Variants in SOS2 observed in about 807,000 individuals in gnomAD.
SOS2 encodes SOS Ras/Rho guanine nucleotide exchange factor 2, also known as son of sevenless homolog 2.
In SOS2, 65 loss-of-function variants were observed where a neutral mutation model predicts 148.2. The observed-to-expected ratio is 0.44, with a 90% CI of 0.36 to 0.54. The LOEUF (loss-of-function observed/expected upper bound fraction) is 0.54, where lower values mean the gene tolerates loss of function less well. SOS2 is among the 20% of genes least tolerant of loss of function. SOS2 has a pLI of 0.00. For missense variants in SOS2, 1,341 were observed against 1,590.2 expected (o/e 0.84, Z 2.67); for synonymous variants, 539 against 537.1 (o/e 1.00, Z -0.05).
At chr14:50,193,640 C>T (rs1189271698) in intron 4 of SOS2, among the ~76,000 whole-genome samples, 1 of 152,102 alleles carries the variant, frequency 6.6e-6, no homozygotes, top group East Asian at 1.9e-4. Context: ...GGTCTGTGAG[C>T]TCTTGAACTA....
chr14:50,230,370 TCA>T lies in SOS2; in HGVS notation c.87+825_87+826del, dbSNP rs145708974. 1.6e-3 allele frequency among the ~76,000 whole-genome samples: 248 copies of T among 152,316 alleles called. 7 individuals are homozygous for T. The East Asian group carries it at 0.043, about 26-fold the overall frequency. On this transcript the variant is annotated intron_variant, in intron 1 of 22. Transcript: ENST00000216373. ...GCATGACAGCTGATCACGCACCTAT[TCA>T]CAGTCTTTAAATGTCTTGATCTTAC...
chr14:50,193,318 A>G (rs897150230), intron 4 of SOS2, among the ~76,000 whole-genome samples: 11 of 152,078 alleles, frequency 7.2e-5, no homozygotes, highest in African/African-American at 2.7e-4. Context: ...CTGGGATTAC[A>G]AGCGTGAACC....
intron 16 of SOS2, among the ~76,000 whole-genome samples, chr14:50,142,105 T>C (rs1234298411): frequency 6.6e-6 from 1 of 151,874 alleles, no homozygotes; most frequent in East Asian, 1.9e-4. Context: ...CCTCCCGGGT[T>C]CAAGTGATTC....
At chr14:50,134,090 G>T in intron 19 of SOS2, 33 bp downstream of exon 19, 1 of 1,010,300 alleles carries the variant, frequency 9.9e-7, no homozygotes, top group South Asian at 1.3e-5. Flanking sequence ...TTAAAAAACA[G>T]AACACTTGTT....
intron 5 of SOS2, among the ~76,000 whole-genome samples, chr14:50,187,095 T>C (rs1595005574): frequency 6.6e-6 from 1 of 152,158 alleles, no homozygotes; most frequent in African/African-American, 2.4e-5. Flanking sequence ...CACTATAGTC[T>C]CAAATTCCTG....
At chr14:50,175,828 T>C (rs1410827019) in intron 7 of SOS2, among the ~76,000 whole-genome samples, 1 of 152,166 alleles carries the variant, frequency 6.6e-6, no homozygotes, top group Non-Finnish European at 1.5e-5. Flanking sequence ...TATGCTGCTT[T>C]AAAAAAATCT....
rs764908956 is a variant in SOS2 at position 50,130,687 on chromosome 14, T to C, written c.3151A>G (p.Thr1051Ala). 40 of 1,614,090 alleles carry C rather than the reference T, an allele frequency of 2.5e-5. No individual in the cohort carries two copies. In the East Asian group the frequency reaches 7.8e-4, roughly 31 times the overall value. The stretch of plus-strand genomic sequence containing the variant: ...AATGGTGTTGGGTGACCTCGTAAAG[T>C]ACCTGAGGTAGAGCCATGTCGGCCT... The part of the protein sequence containing the change: ...NTGRHGSTSG[T>A]LRGHPTPLER... Residue 1051 changes from threonine to alanine, a missense_variant, in exon 20 of 23, where the codon ACT becomes GCT. Physicochemically the swap from Thr to Ala is moderately conservative, Grantham distance 58 (BLOSUM62 0). Transcript: ENST00000216373.
chr14:50,131,129 A>G (rs1482547362), intron 19 of SOS2, among the ~76,000 whole-genome samples: 1 of 152,130 alleles, frequency 6.6e-6, no homozygotes, highest in Non-Finnish European at 1.5e-5. Context: ...ATATTATGCT[A>G]TATGCTTCAG....
rs768766517 is a variant in SOS2, at chr14:50,172,419, C to CTTTTTTTTTTTTTTTTTTTTTTT, written c.1068+2034_1068+2035insAAAAAAAAAAAAAAAAAAAAAAA. On this transcript the variant is annotated intron_variant, in intron 8 of 22. Transcript: ENST00000216373. The stretch of plus-strand genomic sequence containing the variant: ...ATGGGTAGTTTCTCTTTATTCATTC[C>CTTTTTTTTTTTTTTTTTTTTTTT]TTTTTTTTTTTTTTCTGAGATGGAG... 2.7e-4 allele frequency among the ~76,000 whole-genome samples: 22 copies of CTTTTTTTTTTTTTTTTTTTTTTT among 82,766 alleles called. 3 individuals carry two copies. The highest frequency in any genetic ancestry group is 4.0e-4 in the African/African-American group (8 of 19,852). The allele number at this position is 82,766 out of a possible 152,430, so 54.3% of individuals were successfully genotyped here.
intron 18 of SOS2, 59 bp from the exon 19 acceptor site, chr14:50,134,298 T>C: frequency 1.2e-6 from 1 of 801,308 alleles, no homozygotes; most frequent in Non-Finnish European, 2.0e-6. Flanking sequence ...TAGATCTTAT[T>C]AAAATAAGAT....
chr14:50,145,844 A>G (rs1413029290), intron 14 of SOS2, among the ~76,000 whole-genome samples: 1 of 152,154 alleles, frequency 6.6e-6, no homozygotes, highest in East Asian at 1.9e-4. Flanking sequence ...CAAAAGTCTG[A>G]TAACTCAAGG....
intron 18 of SOS2, among the ~76,000 whole-genome samples, chr14:50,135,048 G>A (rs1167997917): frequency 4.3e-5 from 6 of 139,080 alleles, no homozygotes; most frequent in Admixed American, 3.1e-4. Context: ...ACTCCAGCCT[G>A]GGCAACAAGA....
intron 7 of SOS2, among the ~76,000 whole-genome samples, chr14:50,176,494 C>T (rs1655018512): frequency 6.6e-6 from 1 of 152,166 alleles, no homozygotes; most frequent in Admixed American, 6.5e-5. Context: ...AAAGTGCATT[C>T]TAAAATTTTT....
chr14:50,188,994 G>A (rs546935571), intron 4 of SOS2, among the ~76,000 whole-genome samples: 52 of 151,036 alleles, frequency 3.4e-4, no homozygotes, highest in African/African-American at 1.2e-3. Context: ...AGCCTGGGAG[G>A]TCAAGGCTGC....
chr14:50,119,070 CTCTT>C (rs1883411886), intron 22 of SOS2, among the ~76,000 whole-genome samples: 1 of 152,044 alleles, frequency 6.6e-6, no homozygotes, highest in Non-Finnish European at 1.5e-5. Context: ...TAGGTCCTAA[CTCTT>C]TATCTTGCTT....
At chr14:50,225,844 G>A (rs1887355213) in intron 1 of SOS2, among the ~76,000 whole-genome samples, 1 of 152,132 alleles carries the variant, frequency 6.6e-6, no homozygotes, top group African/African-American at 2.4e-5. Context: ...CCTATTCTCA[G>A]GCAGAGACCT....
intron 1 of SOS2, among the ~76,000 whole-genome samples, chr14:50,211,685 T>A (rs941574524): frequency 6.6e-6 from 1 of 152,072 alleles, no homozygotes; most frequent in Non-Finnish European, 1.5e-5. Flanking sequence ...CTTGAACTCC[T>A]GGGCTCAAGC....
chr14:50,201,237 T>TA (rs1421510068), intron 2 of SOS2, among the ~76,000 whole-genome samples, 153 bp from the exon 3 acceptor site: 5 of 151,558 alleles, frequency 3.3e-5, no homozygotes, highest in East Asian at 3.9e-4. Context: ...TTTTTTGGCT[T>TA]AAAAAAAAGG....
intron 2 of SOS2, 29 bp downstream of exon 2, chr14:50,204,255 A>C: frequency 6.7e-7 from 1 of 1,493,276 alleles, no homozygotes; most frequent in Non-Finnish European, 9.1e-7. Flanking sequence ...TGGTTGAGTG[A>C]CTTTTTGAAA....
Sources: gnomAD v4.1 joint callset for allele counts (sites outside exome capture counted in the v4.1 genomes callset) on GRCh38, gnomAD v4.1.1 for gene constraint, MANE v1.5 for transcripts, NCBI Gene and HGNC (gene_info 2026-07-23, HGNC 2026-07-21) for gene names.